The following FHIT variants were observed in gnomAD, a reference collection of about 807,000 sequenced individuals.
The protein encoded by FHIT is fragile histidine triad diadenosine triphosphatase.
A neutral mutation model predicts 17.9 loss-of-function variants in FHIT; 19 were observed. That is an observed-to-expected ratio of 1.06 (90% CI 0.74 to 1.56). The LOEUF is 1.56. Among genes scored for constraint, FHIT ranks in the 40% most tolerant of loss-of-function variants. The pLI is 0.00. For missense variants in FHIT, 248 were observed against 189.2 expected (o/e 1.31, Z -1.82); for synonymous variants, 81 against 69.7 (o/e 1.16, Z -0.81).
chr3:61,185,675 A>G (rs1423318882), intron 2 of FHIT, among the ~76,000 whole-genome samples: 1 of 152,196 alleles, frequency 6.6e-6, no homozygotes, highest in Non-Finnish European at 1.5e-5. Context: ...TAATGTTCAC[A>G]ATATAATGTT....
intron 7 of FHIT, among the ~76,000 whole-genome samples, chr3:60,003,693 C>T (rs563662083): frequency 7.9e-5 from 12 of 150,978 alleles, no homozygotes; most frequent in East Asian, 5.9e-4. Context: ...TTTAATAAGC[C>T]GAGATCACAC....
At chr3:60,608,489 A>G (rs1185632306) in intron 4 of FHIT, among the ~76,000 whole-genome samples, 1 of 152,200 alleles carries the variant, frequency 6.6e-6, no homozygotes, top group African/African-American at 2.4e-5. Flanking sequence ...CCAGAGGTTC[A>G]GTCCAGCTCT....
At chr3:59,825,736 G>T (rs689497) in intron 8 of FHIT, among the ~76,000 whole-genome samples, 7,528 of 152,176 alleles carry the variant, frequency 0.049, 497 homozygotes, top group East Asian at 0.36. Flanking sequence ...GGGTGGAGAA[G>T]GGAAAAAAGT....
intron 1 of FHIT, among the ~76,000 whole-genome samples, chr3:61,202,650 T>A (rs1176480605): frequency 4.0e-5 from 6 of 151,684 alleles, no homozygotes; most frequent in African/African-American, 1.5e-4. Flanking sequence ...CTTTCATATA[T>A]CAGAATGAAA....
At chr3:60,583,979 G>T (rs1171383828) in intron 4 of FHIT, among the ~76,000 whole-genome samples, 1 of 152,086 alleles carries the variant, frequency 6.6e-6, no homozygotes, top group Non-Finnish European at 1.5e-5. Context: ...ATCTGAAAAT[G>T]ATCCAGAAGG....
At chr3:59,930,064 T>C (rs1308931449) in intron 7 of FHIT, among the ~76,000 whole-genome samples, 2 of 152,184 alleles carry the variant, frequency 1.3e-5, no homozygotes, top group African/African-American at 2.4e-5. Flanking sequence ...TAGAGAACTC[T>C]GAGAACCAGT....
intron 5 of FHIT, among the ~76,000 whole-genome samples, chr3:60,324,573 G>A (rs868748706): frequency 6.9e-4 from 89 of 128,832 alleles, no homozygotes; most frequent in South Asian, 1.6e-3. Flanking sequence ...GACTCCATCA[G>A]AAAAAAAAAA....
intron 2 of FHIT, among the ~76,000 whole-genome samples, chr3:61,149,621 T>C (rs967220525): frequency 7.2e-5 from 11 of 152,132 alleles, no homozygotes; most frequent in African/African-American, 2.2e-4. Flanking sequence ...CTCACACCTG[T>C]AATCCCATCA....
intron 2 of FHIT, among the ~76,000 whole-genome samples, chr3:61,079,782 A>T (rs1344568480): frequency 6.6e-6 from 1 of 152,238 alleles, no homozygotes; most frequent in East Asian, 1.9e-4. Context: ...ATGGATTCAT[A>T]AAGTGACAAA....
At chr3:60,878,101 G>C (rs1553756913) in intron 3 of FHIT, among the ~76,000 whole-genome samples, 1 of 152,078 alleles carries the variant, frequency 6.6e-6, no homozygotes, top group Non-Finnish European at 1.5e-5. Flanking sequence ...TTCTTTCCCA[G>C]AGCTGAGCCA....
chr3:59,850,375 G>A (rs1482102147), intron 8 of FHIT, among the ~76,000 whole-genome samples: 1 of 152,126 alleles, frequency 6.6e-6, no homozygotes, highest in East Asian at 1.9e-4. Flanking sequence ...AAAGCTTTGG[G>A]TATATCTCTT....
At chr3:60,548,031 T>G (rs965215173) in intron 4 of FHIT, among the ~76,000 whole-genome samples, 2 of 151,912 alleles carry the variant, frequency 1.3e-5, no homozygotes, top group Non-Finnish European at 2.9e-5. Flanking sequence ...AGATTCACAT[T>G]TGAGTCAGTG....
In FHIT at chr3:60,612,133, A is replaced by G. The variant is rs185681950; in HGVS notation, c.-17-75154T>C. On this transcript the variant is annotated intron_variant, in intron 4 of 9. Transcript: ENST00000492590. ...GGGCTACCTCCCTGACTGGCATCCT[A>G]GGGGGGCTCTCCATGGCCTTTAGTG... Among the ~76,000 whole-genome samples the G allele has an allele frequency of 7.6e-3, 1,161 of 152,116 alleles. 16 individuals are homozygous for G. The highest frequency in any genetic ancestry group is 0.026 in the African/African-American group (1,073 of 41,486).
chr3:61,063,241 G>A (rs2034489481), intron 2 of FHIT, among the ~76,000 whole-genome samples: 1 of 39,050 alleles, frequency 2.6e-5, no homozygotes, highest in Non-Finnish European at 9.4e-5. Context: ...GAGCGACAGA[G>A]CGAGACTCTG....
chr3:60,796,253 AG>A (rs1459692781), intron 4 of FHIT, among the ~76,000 whole-genome samples: 1 of 152,212 alleles, frequency 6.6e-6, no homozygotes, highest in Admixed American at 6.5e-5. Flanking sequence ...ACAAGGAGAC[AG>A]TATTTGAGCT....
intron 8 of FHIT, among the ~76,000 whole-genome samples, chr3:59,780,031 G>A (rs1575481525): frequency 1.3e-5 from 2 of 152,158 alleles, no homozygotes; most frequent in South Asian, 4.1e-4. Flanking sequence ...GTAGTTCCAC[G>A]AAAGTCCATT....
chr3:60,641,593 C>A (rs1375347408), intron 4 of FHIT, among the ~76,000 whole-genome samples: 1 of 152,128 alleles, frequency 6.6e-6, no homozygotes, highest in Admixed American at 6.5e-5. Flanking sequence ...TATATGATGA[C>A]AAACAGTGTC....
intron 2 of FHIT, among the ~76,000 whole-genome samples, chr3:61,058,658 T>C (rs72875959): frequency 0.15 from 23,454 of 152,154 alleles, 2,274 homozygotes; most frequent in African/African-American, 0.27. Flanking sequence ...CTGAGGCCTC[T>C]CCAGCCATGC....
intron 5 of FHIT, among the ~76,000 whole-genome samples, chr3:60,245,580 C>T (rs1705352801): frequency 6.6e-6 from 1 of 151,934 alleles, no homozygotes; most frequent in Non-Finnish European, 1.5e-5. Context: ...AGGGGAAAAA[C>T]CTTTTTGTTA....
Sources: allele counts gnomAD v4.1 joint callset (sites outside exome capture counted in the v4.1 genomes callset), GRCh38; gene constraint gnomAD v4.1.1; transcripts MANE v1.5; gene names NCBI Gene and HGNC (gene_info 2026-07-23, HGNC 2026-07-21).